The following EIPR1 variants were observed in gnomAD, a reference collection of about 807,000 sequenced individuals.
EIPR1 encodes the protein EARP and GARP complex-interacting protein 1.
A neutral mutation model predicts 48.1 loss-of-function variants in EIPR1; 25 were observed. The observed-to-expected ratio is 0.52, with a 90% CI of 0.38 to 0.73. EIPR1 has a LOEUF of 0.73. Among genes scored for constraint, EIPR1 ranks in the 30% least tolerant of loss-of-function variants. EIPR1 has a pLI of 0.00. For synonymous variants in EIPR1, 204 were observed against 201.9 expected, an observed-to-expected ratio of 1.01 and a Z score of -0.09; for missense variants, 415 against 506.2, an observed-to-expected ratio of 0.82 and a Z score of 1.73.
At chr2:3,285,475 G>A (rs1030242503) in intron 3 of EIPR1, among the ~76,000 whole-genome samples, 4 of 152,188 alleles carry the variant, frequency 2.6e-5, no homozygotes, top group African/African-American at 7.2e-5. Flanking sequence ...TGGGGACTGA[G>A]CACTTCTAGC....
At chr2:3,247,532 C>T (rs1666870423) in intron 4 of EIPR1, among the ~76,000 whole-genome samples, 1 of 152,226 alleles carries the variant, frequency 6.6e-6, no homozygotes, top group Admixed American at 6.5e-5. Flanking sequence ...CTCCTTCCTG[C>T]TCTTACCTGC....
chr2:3,304,405 G>A (rs932444852), intron 3 of EIPR1, among the ~76,000 whole-genome samples: 53 of 149,252 alleles, frequency 3.6e-4, no homozygotes, highest in Non-Finnish European at 6.1e-4. Context: ...CTCCACTCCC[G>A]TCCTGTTCAA....
At chr2:3,353,358 T>C (rs1177662414) in intron 2 of EIPR1, 1 of 468,846 alleles carries the variant, frequency 2.1e-6, no homozygotes, top group South Asian at 1.6e-5. Context: ...TTTGCTTTTT[T>C]ACACCACGTT....
chr2:3,324,771 C>T lies in EIPR1; in HGVS notation c.259+13246G>A, dbSNP rs192866044. On this transcript the variant is annotated intron_variant, in intron 3 of 8. Coordinates refer to ENST00000382125, the MANE Select transcript of EIPR1 (RefSeq NM_003310.5). ...CCAGCCTCGTGGGCCCCGGTCACGC[C>T]GGGGGGAGTGCAGGCGGCCTGCGCG... is the stretch of plus-strand genomic sequence containing the variant. 2.4e-3 allele frequency among the ~76,000 whole-genome samples: 361 copies of T among 152,322 alleles called. 2 individuals are homozygous for T. Among genetic ancestry groups the T allele is most frequent in the Non-Finnish European group, 4.1e-3 (276 of 68,028 alleles).
At chr2:3,289,796 T>C (rs78614991) in intron 3 of EIPR1, among the ~76,000 whole-genome samples, 27,411 of 152,230 alleles carry the variant, frequency 0.18, 3,038 homozygotes, top group Non-Finnish European at 0.25. Context: ...CCCCCAGCCT[T>C]ATCCTTCCCG....
chr2:3,216,225 A>G (rs1477840720), intron 4 of EIPR1, among the ~76,000 whole-genome samples: 1 of 152,184 alleles, frequency 6.6e-6, no homozygotes, highest in Non-Finnish European at 1.5e-5. Flanking sequence ...GGAGTAATGC[A>G]CTTACCCCAT....
intron 3 of EIPR1, among the ~76,000 whole-genome samples, chr2:3,317,514 C>T (rs775695521): frequency 3.3e-5 from 5 of 152,262 alleles, no homozygotes; most frequent in Non-Finnish European, 2.9e-5. Context: ...GCCGGGAGCG[C>T]ATGAGGCGCT....
intron 1 of EIPR1, among the ~76,000 whole-genome samples, chr2:3,363,803 C>CAAAA (rs372598069): frequency 2.3e-5 from 3 of 132,550 alleles, no homozygotes; most frequent in East Asian, 2.4e-4. Context: ...AACTCAACAG[C>CAAAA]AAAAAAAAAA....
intron 2 of EIPR1, chr2:3,353,094 G>T (rs1670627904): frequency 2.6e-6 from 1 of 383,494 alleles, no homozygotes; most frequent in Non-Finnish European, 5.3e-6. Context: ...AATAATCATT[G>T]TGTTTTTATT....
At chr2:3,300,154 T>A (rs1331213802) in intron 3 of EIPR1, among the ~76,000 whole-genome samples, 1 of 152,178 alleles carries the variant, frequency 6.6e-6, no homozygotes, top group Non-Finnish European at 1.5e-5. Flanking sequence ...CCCTGTGAAA[T>A]CCCAAACAAG....
In EIPR1 at chr2:3,225,237, T is replaced by TGTGTGC. The variant is rs1666025091; in HGVS notation, c.417-10990_417-10989insGCACAC. ...ACACTGTGATATGTGTGTGTGTGTG[T>TGTGTGC]GTGTGTGTGTGTGTGTGTGTGTGTG... is the stretch of plus-strand genomic sequence containing the variant. On this transcript the variant is annotated intron_variant, in intron 4 of 8. Coordinates refer to ENST00000382125, the MANE Select transcript of EIPR1 (RefSeq NM_003310.5). 2.0e-5 allele frequency among the ~76,000 whole-genome samples: 3 copies of TGTGTGC among 150,356 alleles called. 1 individual carries two copies. In the South Asian group the frequency reaches 6.4e-4, roughly 32 times the overall value.
At chr2:3,251,025 A>G (rs1360702585) in intron 4 of EIPR1, among the ~76,000 whole-genome samples, 2 of 152,176 alleles carry the variant, frequency 1.3e-5, no homozygotes, top group Admixed American at 6.5e-5. Flanking sequence ...ACACACATAA[A>G]ATAAAATATA....
chr2:3,298,014 T>C (rs983917736), intron 3 of EIPR1, among the ~76,000 whole-genome samples: 3 of 152,264 alleles, frequency 2.0e-5, no homozygotes, highest in Non-Finnish European at 1.5e-5. Context: ...GTGCCTACTA[T>C]GTGCCAGGCA....
At chr2:3,346,328 G>A (rs1572470714) in intron 2 of EIPR1, among the ~76,000 whole-genome samples, 1 of 152,378 alleles carries the variant, frequency 6.6e-6, no homozygotes, top group South Asian at 2.1e-4. Flanking sequence ...CAGGCATGGG[G>A]TTTCTGGATA....
chr2:3,307,271 A>G (rs1049134072), intron 3 of EIPR1, among the ~76,000 whole-genome samples: 4 of 151,980 alleles, frequency 2.6e-5, no homozygotes, highest in African/African-American at 7.2e-5. Context: ...CCAAATTCCA[A>G]TATGTGTCAA....
chr2:3,333,259 C>T (rs115554421), intron 3 of EIPR1, among the ~76,000 whole-genome samples: 24 of 152,322 alleles, frequency 1.6e-4, no homozygotes, highest in African/African-American at 5.8e-4. Flanking sequence ...TGCAGACTTC[C>T]ACTGATTTGC....
chr2:3,270,782 T>A (rs1667680327), intron 3 of EIPR1, among the ~76,000 whole-genome samples: 1 of 152,238 alleles, frequency 6.6e-6, no homozygotes, highest in East Asian at 1.9e-4. Flanking sequence ...AGCTAACTGC[T>A]CAGGGTGGTG....
intron 2 of EIPR1, chr2:3,353,255 A>T (rs1419777192): frequency 2.1e-6 from 1 of 471,192 alleles, no homozygotes; most frequent in Non-Finnish European, 4.4e-6. Context: ...TCCCCTGTGA[A>T]AAGCATCTGA....
At chr2:3,217,464 G>A (rs556927428) in intron 4 of EIPR1, among the ~76,000 whole-genome samples, 11 of 152,254 alleles carry the variant, frequency 7.2e-5, no homozygotes, top group Admixed American at 2.6e-4. Flanking sequence ...TAAAACTCAA[G>A]AAAGTAACCC....
Sources: allele counts gnomAD v4.1 joint callset (sites outside exome capture counted in the v4.1 genomes callset), GRCh38; gene constraint gnomAD v4.1.1; transcripts MANE v1.5; gene names NCBI Gene and HGNC (gene_info 2026-07-23, HGNC 2026-07-21).